Variants in XPO1 observed in about 807,000 individuals in gnomAD.
XPO1 encodes the protein exportin 1.
Under a neutral mutation model 133.3 loss-of-function variants are expected in XPO1, and 5 were observed. The ratio of observed to expected loss-of-function variants is 0.04; its 90% CI spans 0.02 to 0.08. The LOEUF (loss-of-function observed/expected upper bound fraction) is 0.08. Ranked by LOEUF, XPO1 falls within the 10% of genes least tolerant of loss-of-function variation. The pLI is 1.00. For missense variants in XPO1, 506 were observed against 1,267.5 expected, an observed-to-expected ratio of 0.40 and a Z score of 9.12; for synonymous variants, 419 against 408.2, an observed-to-expected ratio of 1.03 and a Z score of -0.32.
intron 2 of XPO1, among the ~76,000 whole-genome samples, chr2:61,530,298 T>C (rs1218979728): frequency 2.0e-5 from 3 of 152,216 alleles, no homozygotes; most frequent in Non-Finnish European, 4.4e-5. Context: ...TACTCTCTGA[T>C]GCTACTTCTA....
In XPO1 at chr2:61,478,050, A is replaced by G; in HGVS notation, c.*770T>C. 4.4e-6 allele frequency: 1 copy of G among 229,276 alleles called. No individual in the cohort carries two copies. The highest frequency in any genetic ancestry group is 8.7e-6 in the Non-Finnish European group (1 of 115,432). 14.2% of individuals were successfully genotyped at this position (229,276 alleles called of 1,614,324 possible). A position where few individuals can be genotyped will look rare whatever the true frequency, so the allele number is the denominator to read the frequency against. ...AAAGCCAGAGTTGTTTTGTTTTTTA[A>G]TGAGTTGTTAAAAAGATGCAGCCTA... On this transcript the variant is annotated 3_prime_UTR_variant, in exon 25 of 25. Transcript: ENST00000401558.
intron 22 of XPO1, 152 bp downstream of exon 22, chr2:61,482,805 T>G: frequency 8.6e-6 from 8 of 926,784 alleles, no homozygotes; most frequent in Non-Finnish European, 1.3e-5. Context: ...TATGGTATTT[T>G]TAGTACAGAC....
rs911533149 is a variant in XPO1, at chr2:61,481,503, G to A, written c.2973-222C>T. On this transcript the variant is annotated intron_variant, in intron 23 of 24. Coordinates refer to ENST00000401558, the MANE Select transcript of XPO1 (RefSeq NM_003400.4). The stretch of plus-strand genomic sequence containing the variant: ...GAGACAAAGTTTTGCTCGTTTACCA[G>A]GTTGGAGTACAATCGCACAATCGCG... Among the ~76,000 whole-genome samples, 4 of 151,968 alleles carry A rather than the reference G, an allele frequency of 2.6e-5. No individual in the cohort carries two copies. The East Asian group carries it at 7.7e-4, about 29-fold the overall frequency.
chr2:61,525,313 AG>A, intron 3 of XPO1: 2 of 986,342 alleles, frequency 2.0e-6, no homozygotes, highest in Non-Finnish European at 2.4e-6. Context: ...TCAGTTGCAC[AG>A]GAAGACACCC....
chr2:61,526,653 C>A (rs1698914877), intron 2 of XPO1, 132 bp from the exon 3 acceptor site: 4 of 589,110 alleles, frequency 6.8e-6, no homozygotes, highest in Non-Finnish European at 1.0e-5. Flanking sequence ...CAGAAATACT[C>A]AAAAATTAGA....
At chr2:61,491,649 T>C (rs1205006569) in intron 16 of XPO1, among the ~76,000 whole-genome samples, 1 of 152,150 alleles carries the variant, frequency 6.6e-6, no homozygotes, top group Admixed American at 6.5e-5. Context: ...ATAAAATCAT[T>C]TTGGGAGGCT....
chr2:61,513,025 A>AC (rs1245211161), intron 4 of XPO1, among the ~76,000 whole-genome samples: 2 of 152,054 alleles, frequency 1.3e-5, no homozygotes, highest in African/African-American at 4.8e-5. Flanking sequence ...CTTGACCCTT[A>AC]CCTCACCTCA....
intron 2 of XPO1, among the ~76,000 whole-genome samples, chr2:61,532,928 A>C (rs756457962): frequency 4.6e-5 from 7 of 151,930 alleles, no homozygotes; most frequent in African/African-American, 7.3e-5. Flanking sequence ...CTGTAATCCC[A>C]GCACTTTGGG....
chr2:61,533,938 C>T (rs772477212), intron 1 of XPO1, 35 bp from the exon 2 acceptor site: 12 of 1,465,054 alleles, frequency 8.2e-6, no homozygotes, highest in Middle Eastern at 3.7e-4. Context: ...AGCTGCCTAT[C>T]AAGTTTTGGT....
Position 61,485,756 on chromosome 2 carries a change from A to G in XPO1, c.2508+12T>C. 1 of 1,589,750 alleles carries G rather than the reference A, an allele frequency of 6.3e-7. No individual in the cohort carries two copies. Among genetic ancestry groups the G allele is most frequent in the Non-Finnish European group, 8.6e-7 (1 of 1,163,476 alleles). The stretch of plus-strand genomic sequence containing the variant: ...CAGAATTTCCCCCTTACATAACTGA[A>G]ATATTACACACCTTATTTATCATAT... On this transcript the variant is annotated intron_variant, in intron 20 of 24. Transcript: ENST00000401558.
At chr2:61,525,416 A>G (rs1698872405) in intron 3 of XPO1, 1 of 997,466 alleles carries the variant, frequency 1.0e-6, no homozygotes, top group Non-Finnish European at 1.2e-6. Context: ...AAATGATTGC[A>G]TAAAAGCCAA....
chr2:61,518,156 G>T (rs1313333746), intron 4 of XPO1, among the ~76,000 whole-genome samples: 1 of 151,140 alleles, frequency 6.6e-6, no homozygotes, highest in Non-Finnish European at 1.5e-5. Flanking sequence ...AAAAGCCTGA[G>T]GCAAGAGGAT....
At chr2:61,491,487 CACACACA>C (rs761819118) in intron 16 of XPO1, among the ~76,000 whole-genome samples, 1 of 151,378 alleles carries the variant, frequency 6.6e-6, no homozygotes. Context: ...CACACACACA[CACACACA>C]CACCCCAAAA....
At chr2:61,524,338 C>T (rs1698822097) in intron 3 of XPO1, among the ~76,000 whole-genome samples, 2 of 152,164 alleles carry the variant, frequency 1.3e-5, no homozygotes, top group Admixed American at 1.3e-4. Flanking sequence ...AATGGAAAGA[C>T]ACTGTCCTTT....
At chr2:61,510,544 A>T (rs1484891427) in intron 4 of XPO1, among the ~76,000 whole-genome samples, 4 of 152,214 alleles carry the variant, frequency 2.6e-5, no homozygotes, top group African/African-American at 9.6e-5. Context: ...CACATCCGCC[A>T]TTCTTAAATG....
intron 9 of XPO1, 62 bp downstream of exon 9, chr2:61,498,611 T>C: frequency 3.1e-6 from 5 of 1,591,684 alleles, no homozygotes; most frequent in Non-Finnish European, 3.4e-6. Context: ...ATGAGAGCTT[T>C]ACATGTGAAA....
chr2:61,512,897 CG>C (rs1349609802), intron 4 of XPO1, among the ~76,000 whole-genome samples: 5 of 152,056 alleles, frequency 3.3e-5, no homozygotes, highest in African/African-American at 4.8e-5. Context: ...AAAAATTAGC[CG>C]GGTGTGGTGG....
Position 61,495,673 on chromosome 2 carries a change from T to C in XPO1, c.889-60A>G, listed in dbSNP as rs1287375965. ...TTATAAAACAACTAAAGACACTTAA[T>C]ATTTTATTATTATTTTTTTGAGACA... is the stretch of plus-strand genomic sequence containing the variant. On this transcript the variant is annotated intron_variant, in intron 10 of 24. Coordinates refer to ENST00000401558, the MANE Select transcript of XPO1 (RefSeq NM_003400.4). 2.1e-6 allele frequency: 3 copies of C among 1,423,192 alleles called. No homozygotes were observed. In the African/African-American group the frequency reaches 4.4e-5, roughly 21 times the overall value. The allele number at this position is 1,423,192 out of a possible 1,614,324, so 88.2% of individuals were successfully genotyped here.
chr2:61,513,429 G>GA (rs1027043322), intron 4 of XPO1, among the ~76,000 whole-genome samples: 1 of 147,478 alleles, frequency 6.8e-6, no homozygotes, highest in African/African-American at 2.5e-5. Context: ...GCAGTGGTGT[G>GA]ATCTAGGCTT....
Sources: allele counts gnomAD v4.1 joint callset (sites outside exome capture counted in the v4.1 genomes callset), GRCh38; gene constraint gnomAD v4.1.1; transcripts MANE v1.5; gene names NCBI Gene and HGNC (gene_info 2026-07-23, HGNC 2026-07-21).